Variants in CTDSPL2 observed in about 807,000 individuals in gnomAD.
CTDSPL2 encodes CTD small phosphatase like 2.
A neutral mutation model predicts 60.0 loss-of-function variants in CTDSPL2; 5 were observed. That is an observed-to-expected ratio of 0.08 (90% CI 0.04 to 0.18). CTDSPL2 has a LOEUF of 0.18. CTDSPL2 is among the 10% of genes least tolerant of loss of function. The pLI is 1.00. For synonymous variants in CTDSPL2, 186 were observed against 189.3 expected (o/e 0.98, Z 0.14); for missense variants, 370 against 548.8 (o/e 0.67, Z 3.26).
chr15:44,435,715 T>C (rs1200589166), intron 1 of CTDSPL2, among the ~76,000 whole-genome samples: 1 of 146,598 alleles, frequency 6.8e-6, no homozygotes, highest in Admixed American at 6.8e-5. Context: ...CAAGCGATTC[T>C]CCTGCCTCAG....
intron 8 of CTDSPL2, among the ~76,000 whole-genome samples, chr15:44,507,331 A>C (rs1595770327): frequency 6.6e-6 from 1 of 151,932 alleles, no homozygotes; most frequent in African/African-American, 2.4e-5. Context: ...CTATCTGCCC[A>C]CCTCGGCCTC....
chr15:44,446,365 C>T (rs1231185816), intron 1 of CTDSPL2, among the ~76,000 whole-genome samples: 1 of 152,132 alleles, frequency 6.6e-6, no homozygotes, highest in African/African-American at 2.4e-5. Context: ...CGGTGGCTCA[C>T]GCCTGTAATC....
intron 2 of CTDSPL2, among the ~76,000 whole-genome samples, chr15:44,461,738 A>G (rs890727865): frequency 2.0e-5 from 3 of 152,128 alleles, no homozygotes; most frequent in Admixed American, 6.6e-5. Flanking sequence ...TAAGCTAGAA[A>G]AAAAGAAAAT....
At chr15:44,447,885 A>T (rs910140626) in intron 1 of CTDSPL2, 1 of 154,346 alleles carries the variant, frequency 6.5e-6, no homozygotes, top group Non-Finnish European at 1.4e-5. Flanking sequence ...GTCAAAGCTG[A>T]CATGGCCACC....
chr15:44,496,586 TG>T lies in CTDSPL2; in HGVS notation c.770+132del, dbSNP rs560935486. 37 of 684,340 alleles carry T rather than the reference TG, an allele frequency of 5.4e-5. No homozygotes were observed. The East Asian group carries it at 9.5e-4, about 18-fold the overall frequency. 42.4% of individuals were successfully genotyped at this position (684,340 alleles called of 1,614,324 possible). A position where few individuals can be genotyped will look rare whatever the true frequency, so the allele number is the denominator to read the frequency against. The stretch of plus-strand genomic sequence containing the variant: ...ACCTGTAGGTATTTGAAACTTTTAA[TG>T]GGGCTGGGTGCAGTGGCTCATCCCA... On this transcript the variant is annotated intron_variant, in intron 6 of 12. Transcript: ENST00000260327.
chr15:44,448,783 T>C (rs570843909), intron 1 of CTDSPL2: 4 of 353,888 alleles, frequency 1.1e-5, no homozygotes, highest in African/African-American at 2.2e-5. Flanking sequence ...ACCAAGGCCA[T>C]AGGGAAGCTG....
rs376906262 is a variant in CTDSPL2 at position 44,460,506 on chromosome 15, T to G, written c.186+1306T>G. 4.5e-3 allele frequency among the ~76,000 whole-genome samples: 682 copies of G among 152,312 alleles called. 4 individuals carry two copies. The highest frequency in any genetic ancestry group is 0.016 in the African/African-American group (648 of 41,566). On this transcript the variant is annotated intron_variant, in intron 2 of 12. Transcript: ENST00000260327. ...ACTATTTTTGTGTTCTTAGAATAAT[T>G]ATTTATATGGTAAATTTTTCATTAT...
chr15:44,457,398 T>G (rs909527034), intron 1 of CTDSPL2, among the ~76,000 whole-genome samples: 2 of 152,222 alleles, frequency 1.3e-5, no homozygotes, highest in African/African-American at 4.8e-5. Flanking sequence ...GACAGCTTCT[T>G]TCCTTAAACC....
At chr15:44,505,916 C>T (rs778594766) in intron 8 of CTDSPL2, among the ~76,000 whole-genome samples, 1 of 151,158 alleles carries the variant, frequency 6.6e-6, no homozygotes, top group African/African-American at 2.4e-5. Flanking sequence ...ATTGTTTTGA[C>T]TAAACTTTTA....
In CTDSPL2 at chr15:44,521,937, C is replaced by CAAAAAA. The variant is rs904398715; in HGVS notation, c.1335+552_1335+557dup. 4.9e-5 allele frequency among the ~76,000 whole-genome samples: 3 copies of CAAAAAA among 60,776 alleles called. 1 individual carries two copies. Among genetic ancestry groups the CAAAAAA allele is most frequent in the African/African-American group, 1.7e-4 (2 of 11,952 alleles). The allele number at this position is 60,776 out of a possible 152,430, so 39.9% of individuals were successfully genotyped here. On this transcript the variant is annotated intron_variant, in intron 12 of 12. Transcript: ENST00000260327. ...TGGGCGACAGAGCGAGACTCCGTCT[C>CAAAAAA]AAAAAAAAAAAAAAAAAAAAAAAAA...
chr15:44,501,723 A>C (rs1197943976), intron 8 of CTDSPL2, among the ~76,000 whole-genome samples: 2 of 152,202 alleles, frequency 1.3e-5, no homozygotes, highest in Non-Finnish European at 2.9e-5. Flanking sequence ...TAAGCTATAG[A>C]GATGATTGCA....
At chr15:44,494,102 T>G (rs1446444637) in intron 5 of CTDSPL2, among the ~76,000 whole-genome samples, 1 of 152,154 alleles carries the variant, frequency 6.6e-6, no homozygotes, top group Non-Finnish European at 1.5e-5. Flanking sequence ...CTTTAAATTT[T>G]TATATCTGAG....
chr15:44,485,153 C>G (rs997316823), intron 3 of CTDSPL2, among the ~76,000 whole-genome samples: 1 of 152,124 alleles, frequency 6.6e-6, no homozygotes, highest in African/African-American at 2.4e-5. Context: ...CTAGTGTCTA[C>G]TAGGTGGATG....
chr15:44,476,148 C>T (rs1443260188), intron 2 of CTDSPL2, among the ~76,000 whole-genome samples: 1 of 152,006 alleles, frequency 6.6e-6, no homozygotes, highest in Non-Finnish European at 1.5e-5. Context: ...GGCTCACTGC[C>T]AGCTCCACCT....
Position 44,474,268 on chromosome 15 carries a change from A to G in CTDSPL2, c.187-9956A>G, listed in dbSNP as rs140126581. On this transcript the variant is annotated intron_variant, in intron 2 of 12. Coordinates refer to ENST00000260327, the MANE Select transcript of CTDSPL2 (RefSeq NM_016396.3). Reference sequence around the variant, plus strand: ...GGAGGCCGAGAAGGGCAGAGGGTGGATTGCCTGAGCTCAGGAGTTCAAGAC... The same window carrying G: ...GGAGGCCGAGAAGGGCAGAGGGTGGGTTGCCTGAGCTCAGGAGTTCAAGAC... Among the ~76,000 whole-genome samples the G allele has an allele frequency of 4.3e-3, 657 of 152,242 alleles. 4 individuals are homozygous for G. Among genetic ancestry groups the G allele is most frequent in the African/African-American group, 0.015 (636 of 41,542 alleles).
At chr15:44,460,404 G>A (rs560009320) in intron 2 of CTDSPL2, among the ~76,000 whole-genome samples, 4 of 152,256 alleles carry the variant, frequency 2.6e-5, no homozygotes, top group South Asian at 4.1e-4. Context: ...CACCGCGCCC[G>A]GCCTCAGTTT....
chr15:44,442,028 C>T (rs998806709), intron 1 of CTDSPL2, among the ~76,000 whole-genome samples: 3 of 152,170 alleles, frequency 2.0e-5, no homozygotes, highest in Admixed American at 2.0e-4. Context: ...TTCTTCTTCC[C>T]TAAGTGCTGG....
intron 2 of CTDSPL2, among the ~76,000 whole-genome samples, chr15:44,483,063 A>C (rs1320400692): frequency 6.6e-6 from 1 of 152,074 alleles, no homozygotes; most frequent in Non-Finnish European, 1.5e-5. Flanking sequence ...GTTCGAGACC[A>C]GCCTGACCAA....
Position 44,498,214 on chromosome 15 carries a change from A to G in CTDSPL2, c.882+1076A>G, listed in dbSNP as rs1203958283. Among the ~76,000 whole-genome samples, 5 of 152,324 alleles carry G rather than the reference A, an allele frequency of 3.3e-5. No individual in the cohort carries two copies. In the East Asian group the frequency reaches 9.6e-4, roughly 29 times the overall value. ...AATTTCTTGATATTAGTAAAAATGT[A>G]TCTCATGTCATATTGGAAAATATTT... On this transcript the variant is annotated intron_variant, in intron 7 of 12. Coordinates refer to ENST00000260327, the MANE Select transcript of CTDSPL2 (RefSeq NM_016396.3).
Sources: gnomAD v4.1 joint callset for allele counts (sites outside exome capture counted in the v4.1 genomes callset) on GRCh38, gnomAD v4.1.1 for gene constraint, MANE v1.5 for transcripts, NCBI Gene and HGNC (gene_info 2026-07-23, HGNC 2026-07-21) for gene names.